The following COL28A1 variants were observed in gnomAD, a reference collection of about 807,000 sequenced individuals.
The protein encoded by COL28A1 is collagen alpha-1(XXVIII) chain.
In COL28A1, 161 loss-of-function variants were observed where a neutral mutation model predicts 150.2. That is an observed-to-expected ratio of 1.07 (90% CI 0.94 to 1.22). The LOEUF is 1.22. COL28A1 is among the 50% of genes most tolerant of loss of function. The pLI is 0.00. For missense variants in COL28A1, 1,617 were observed against 1,388.3 expected, an observed-to-expected ratio of 1.16 and a Z score of -2.62; for synonymous variants, 552 against 469.7, an observed-to-expected ratio of 1.18 and a Z score of -2.26.
Position 7,358,405 on chromosome 7 carries a change from T to C in COL28A1, c.*228A>G. On this transcript the variant is annotated 3_prime_UTR_variant, in exon 35 of 35. Coordinates refer to ENST00000399429, the MANE Select transcript of COL28A1 (RefSeq NM_001037763.3). ...CTAAATCCTCAGCTCTGAAACTTTT[T>C]AGTTGGGTGACAGTTGACAAGTTAC... The C allele has an allele frequency of 2.4e-6, 1 of 423,784 alleles. No homozygotes were observed. The highest frequency in any genetic ancestry group is 4.2e-5 in the South Asian group (1 of 24,052). The allele number at this position is 423,784 out of a possible 1,614,324, so 26.3% of individuals were successfully genotyped here. A position where few individuals can be genotyped will look rare whatever the true frequency, so the allele number is the denominator to read the frequency against.
chr7:7,521,485 G>A (rs1182968978), intron 5 of COL28A1, among the ~76,000 whole-genome samples: 1 of 152,220 alleles, frequency 6.6e-6, no homozygotes, highest in Non-Finnish European at 1.5e-5. Flanking sequence ...TGTTGCTGCT[G>A]CACTGCTGCA....
chr7:7,522,623 A>G (rs909999535), intron 4 of COL28A1, among the ~76,000 whole-genome samples: 9 of 152,048 alleles, frequency 5.9e-5, no homozygotes, highest in Admixed American at 1.3e-4. Context: ...TTCATCACCA[A>G]TGGTTTTGCT....
At chr7:7,369,223 A>G (rs1347356569) in intron 33 of COL28A1, among the ~76,000 whole-genome samples, 3 of 152,206 alleles carry the variant, frequency 2.0e-5, no homozygotes, top group Non-Finnish European at 4.4e-5. Context: ...GTAGCGGTCC[A>G]TGCTCAGGAG....
intron 25 of COL28A1, among the ~76,000 whole-genome samples, chr7:7,422,272 G>T (rs1583333901): frequency 6.6e-6 from 1 of 152,052 alleles, no homozygotes; most frequent in African/African-American, 2.4e-5. Flanking sequence ...CCCCAGATTT[G>T]GTGGCTTCCT....
intron 8 of COL28A1, among the ~76,000 whole-genome samples, chr7:7,514,059 G>T (rs1408641947): frequency 2.6e-5 from 4 of 152,144 alleles, no homozygotes; most frequent in Non-Finnish European, 5.9e-5. Context: ...TTTTCCAAGT[G>T]AGAACTCTTC....
intron 11 of COL28A1, among the ~76,000 whole-genome samples, chr7:7,491,358 A>G (rs1422492448): frequency 6.6e-6 from 1 of 152,170 alleles, no homozygotes; most frequent in Non-Finnish European, 1.5e-5. Flanking sequence ...TCTTTCCTAC[A>G]TAGAGATGTG....
At chr7:7,479,273 C>T (rs949974497) in intron 13 of COL28A1, among the ~76,000 whole-genome samples, 10 of 152,070 alleles carry the variant, frequency 6.6e-5, no homozygotes, top group Non-Finnish European at 1.5e-4. Context: ...TGTAGAGCTA[C>T]GAAGAATAAT....
intron 15 of COL28A1, among the ~76,000 whole-genome samples, chr7:7,471,464 T>C (rs1480912681): frequency 6.6e-6 from 1 of 152,074 alleles, no homozygotes; most frequent in African/African-American, 2.4e-5. Flanking sequence ...TATGCTAAAA[T>C]CCTTAACAAA....
rs746644330 is a variant in COL28A1 at position 7,358,501 on chromosome 7, T to C, written c.*132A>G. On this transcript the variant is annotated 3_prime_UTR_variant, in exon 35 of 35. Transcript: ENST00000399429. ...TAATATGTACATCCTAGGGCTGTAG[T>C]GAGAATTCAATTACATGTATAAGTT... 2.3e-5 allele frequency: 19 copies of C among 828,434 alleles called. No homozygotes were observed. The African/African-American group carries it at 2.9e-4, about 13-fold the overall frequency. 51.3% of individuals were successfully genotyped at this position (828,434 alleles called of 1,614,324 possible). A position where few individuals can be genotyped will look rare whatever the true frequency, so the allele number is the denominator to read the frequency against.
intron 27 of COL28A1, among the ~76,000 whole-genome samples, chr7:7,405,100 C>T (rs765953619): frequency 1.1e-4 from 17 of 152,186 alleles, no homozygotes; most frequent in Non-Finnish European, 1.9e-4. Context: ...CTTTGTACAA[C>T]TAGCAAGGAT....
intron 15 of COL28A1, among the ~76,000 whole-genome samples, chr7:7,465,240 T>C (rs1393398215): frequency 2.0e-5 from 3 of 147,234 alleles, no homozygotes; most frequent in Non-Finnish European, 4.5e-5. Flanking sequence ...CGCCGGCCAG[T>C]GTGTGTGCGC....
At chr7:7,444,598 A>G (rs1468151471) in intron 18 of COL28A1, 109 bp from the exon 19 acceptor site, 1 of 1,031,072 alleles carries the variant, frequency 9.7e-7, no homozygotes, top group Non-Finnish European at 1.4e-6. Context: ...GAGAAATCTC[A>G]TTAGCAATTA....
At chr7:7,532,699 A>T in intron 2 of COL28A1, 53 bp downstream of exon 2, 2 of 1,571,036 alleles carry the variant, frequency 1.3e-6, no homozygotes, top group Admixed American at 3.8e-5. Context: ...AAAAATTCAC[A>T]TAAGTATTTT....
At chr7:7,415,829 G>GTC (rs1185318197) in intron 27 of COL28A1, among the ~76,000 whole-genome samples, 1 of 151,940 alleles carries the variant, frequency 6.6e-6, no homozygotes, top group Non-Finnish European at 1.5e-5. Flanking sequence ...GGAAGACAAG[G>GTC]TCTCACTCTG....
chr7:7,513,747 CA>C, intron 8 of COL28A1, among the ~76,000 whole-genome samples: 1 of 152,132 alleles, frequency 6.6e-6, no homozygotes, highest in Non-Finnish European at 1.5e-5. Flanking sequence ...TCCATTTGTC[CA>C]GACAGATTTG....
chr7:7,431,744 CA>C, intron 25 of COL28A1: 1 of 386,076 alleles, frequency 2.6e-6, no homozygotes, highest in Non-Finnish European at 5.5e-6. Context: ...TATAGGAGGA[CA>C]GAGGTGGAAC....
chr7:7,349,540 T>C, the COL28A1 span, among the ~76,000 whole-genome samples: 2 of 152,120 alleles, frequency 1.3e-5, no homozygotes, highest in Non-Finnish European at 2.9e-5. Context: ...CCTTCAGAAT[T>C]CTAGCTGCCT....
At chr7:7,404,850 T>A (rs1454079976) in intron 27 of COL28A1, among the ~76,000 whole-genome samples, 2 of 152,186 alleles carry the variant, frequency 1.3e-5, no homozygotes, top group Non-Finnish European at 2.9e-5. Flanking sequence ...CAGACTGGCA[T>A]ACTTACATAT....
chr7:7,352,709 G>T (rs890749641), downstream of COL28A1, among the ~76,000 whole-genome samples: 4 of 152,172 alleles, frequency 2.6e-5, no homozygotes, highest in African/African-American at 9.7e-5. Context: ...TTTTAGCCCA[G>T]TGAGACCTTC....
Sources: gnomAD v4.1 joint callset for allele counts (sites outside exome capture counted in the v4.1 genomes callset) on GRCh38, gnomAD v4.1.1 for gene constraint, MANE v1.5 for transcripts, NCBI Gene and HGNC (gene_info 2026-07-23, HGNC 2026-07-21) for gene names.